Variants in MPPED1 observed in about 807,000 individuals in gnomAD.
MPPED1 encodes metallophosphoesterase domain containing 1.
A neutral mutation model predicts 36.2 loss-of-function variants in MPPED1; 16 were observed. The observed-to-expected ratio is 0.44, with a 90% CI of 0.30 to 0.67. The LOEUF (loss-of-function observed/expected upper bound fraction) is 0.67, where lower values mean the gene tolerates loss of function less well. MPPED1 is among the 30% of genes least tolerant of loss of function. MPPED1 has a pLI of 0.10. For missense variants in MPPED1, 307 were observed against 453.4 expected (o/e 0.68, Z 2.93); for synonymous variants, 199 against 191.3 (o/e 1.04, Z -0.33).
At chr22:43,418,722 T>C (rs986987475) in intron 1 of MPPED1, 2 of 157,770 alleles carry the variant, frequency 1.3e-5, no homozygotes, top group African/African-American at 4.8e-5. Flanking sequence ...GGAGCAGCAG[T>C]GGGTGCGTTG....
chr22:43,479,851 G>A (rs1432241089), intron 4 of MPPED1, among the ~76,000 whole-genome samples: 2 of 152,192 alleles, frequency 1.3e-5, no homozygotes, highest in African/African-American at 2.4e-5. Context: ...CTGCTTGGGA[G>A]AATGGTAGGT....
intron 3 of MPPED1, among the ~76,000 whole-genome samples, chr22:43,449,010 G>A (rs1601967890): frequency 6.6e-6 from 1 of 151,646 alleles, no homozygotes; most frequent in Non-Finnish European, 1.5e-5. Context: ...CAAATTCTTC[G>A]TTTCCAAGAC....
At chr22:43,436,262 C>T (rs908899625) in intron 3 of MPPED1, among the ~76,000 whole-genome samples, 3 of 152,190 alleles carry the variant, frequency 2.0e-5, no homozygotes, top group Non-Finnish European at 4.4e-5. Flanking sequence ...GGCCTGCTGC[C>T]GTGGAGGCGT....
intron 3 of MPPED1, among the ~76,000 whole-genome samples, chr22:43,454,040 G>C (rs940006460): frequency 6.6e-6 from 1 of 151,722 alleles, no homozygotes; most frequent in African/African-American, 2.4e-5. Flanking sequence ...ACAGAGTTTC[G>C]CTCTGTCGCC....
intron 1 of MPPED1, among the ~76,000 whole-genome samples, chr22:43,420,861 C>A (rs1929247824): frequency 1.3e-5 from 2 of 152,252 alleles, no homozygotes; most frequent in Non-Finnish European, 2.9e-5. Flanking sequence ...AGGGCAGGAG[C>A]CTCTTTGTTT....
At chr22:43,422,033 G>T (rs748987555) in intron 1 of MPPED1, among the ~76,000 whole-genome samples, 1 of 152,136 alleles carries the variant, frequency 6.6e-6, no homozygotes, top group African/African-American at 2.4e-5. Context: ...GGTGCACAAG[G>T]GGGGAGCCCG....
intron 3 of MPPED1, among the ~76,000 whole-genome samples, chr22:43,446,417 G>A (rs1315115137): frequency 6.6e-6 from 1 of 152,144 alleles, no homozygotes; most frequent in Non-Finnish European, 1.5e-5. Flanking sequence ...CAGGCTGAGG[G>A]GACATGAAGG....
intron 4 of MPPED1, among the ~76,000 whole-genome samples, chr22:43,493,795 C>T (rs1469657255): frequency 6.6e-6 from 1 of 152,156 alleles, no homozygotes; most frequent in Non-Finnish European, 1.5e-5. Context: ...TAGAAGGAGA[C>T]CTGTCTGACC....
Position 43,435,233 on chromosome 22 carries a change from C to G in MPPED1, c.406+18C>G. The G allele has an allele frequency of 1.9e-6, 3 of 1,593,626 alleles. No homozygotes were observed. The highest frequency in any genetic ancestry group is 2.6e-6 in the Non-Finnish European group (3 of 1,175,544). The stretch of plus-strand genomic sequence containing the variant: ...GTGGCTGGGTAGGTCCCTCCTGCCC[C>G]GGGCGGGCGGCTGTGCTGAGCAGGA... On this transcript the variant is annotated intron_variant, in intron 3 of 6. Transcript: ENST00000443721.
At chr22:43,500,199 GTAA>G (rs1179097331) in intron 5 of MPPED1, among the ~76,000 whole-genome samples, 4 of 78,302 alleles carry the variant, frequency 5.1e-5, no homozygotes, top group African/African-American at 1.6e-4. Flanking sequence ...GATGGAGGTG[GTAA>G]TGGAGGTGGT....
At chr22:43,417,116 A>G in intron 1 of MPPED1, 3 of 630,712 alleles carry the variant, frequency 4.8e-6, no homozygotes, top group Non-Finnish European at 5.9e-6. Flanking sequence ...AGAAAGTGTA[A>G]TTTAAAATCA....
chr22:43,426,315 A>G (rs1483817761), intron 2 of MPPED1, among the ~76,000 whole-genome samples: 1 of 151,460 alleles, frequency 6.6e-6, no homozygotes, highest in African/African-American at 2.4e-5. Flanking sequence ...TCACCCGGCC[A>G]CTCTGGGTGC....
chr22:43,500,174 G>GGTGGCA (rs1490535977), intron 5 of MPPED1, among the ~76,000 whole-genome samples: 8 of 78,516 alleles, frequency 1.0e-4, no homozygotes, highest in Non-Finnish European at 1.9e-4. Context: ...TGGTGATGGA[G>GGTGGCA]GTGGTGGTGA....
chr22:43,454,347 C>T (rs1327046271), intron 3 of MPPED1, among the ~76,000 whole-genome samples: 6 of 152,138 alleles, frequency 3.9e-5, no homozygotes, highest in Admixed American at 3.3e-4. Context: ...CACTCTGTTG[C>T]CAAGGCTGGA....
Position 43,505,864 on chromosome 22 carries a change from A to C in MPPED1, c.*248A>C, listed in dbSNP as rs1207033799. 1.1e-5 allele frequency: 5 copies of C among 475,142 alleles called. No homozygotes were observed. Among genetic ancestry groups the C allele is most frequent in the Non-Finnish European group, 1.9e-5 (5 of 265,946 alleles). 29.4% of individuals were successfully genotyped at this position (475,142 alleles called of 1,614,324 possible). ...TGTACATCCTGCGTGTACCTCGTTA[A>C]AGGACCTACTAAGCTCATGGCCCTG... On this transcript the variant is annotated 3_prime_UTR_variant, in exon 7 of 7. Coordinates refer to ENST00000443721, the MANE Select transcript of MPPED1 (RefSeq NM_001044370.2).
At chr22:43,416,722 G>A (rs1274226963) in intron 1 of MPPED1, 1 of 152,312 alleles carries the variant, frequency 6.6e-6, no homozygotes, top group African/African-American at 2.4e-5. Context: ...CTAGGACGTA[G>A]CACTTTGCAG....
At chr22:43,427,934 G>A (rs1225474443) in intron 2 of MPPED1, among the ~76,000 whole-genome samples, 2 of 152,114 alleles carry the variant, frequency 1.3e-5, no homozygotes, top group Non-Finnish European at 2.9e-5. Context: ...CTGGTTCTTC[G>A]GGGGTGAAAA....
chr22:43,449,165 T>C (rs1251846759), intron 3 of MPPED1, among the ~76,000 whole-genome samples: 1 of 152,198 alleles, frequency 6.6e-6, no homozygotes, highest in Non-Finnish European at 1.5e-5. Flanking sequence ...CAAAGCCTCG[T>C]ATCCAAGTCA....
intron 1 of MPPED1, among the ~76,000 whole-genome samples, chr22:43,415,378 T>G (rs1434173566): frequency 6.6e-6 from 1 of 152,198 alleles, no homozygotes; most frequent in Non-Finnish European, 1.5e-5. Context: ...CTGACAGGTC[T>G]GCTGCCAACA....
Sources: gnomAD v4.1 joint callset for allele counts (sites outside exome capture counted in the v4.1 genomes callset) on GRCh38, gnomAD v4.1.1 for gene constraint, MANE v1.5 for transcripts, NCBI Gene and HGNC (gene_info 2026-07-23, HGNC 2026-07-21) for gene names.